The following MECOM variants were observed in gnomAD, a reference collection of about 807,000 sequenced individuals.
The protein encoded by MECOM is MDS1 and EVI1 complex locus.
A neutral mutation model predicts 116.3 loss-of-function variants in MECOM; 13 were observed. The observed-to-expected ratio is 0.11, with a 90% CI of 0.07 to 0.18. The LOEUF is 0.18. MECOM is among the 10% of genes least tolerant of loss of function. The pLI is 1.00. For missense variants in MECOM, 1,299 were observed against 1,509.0 expected (o/e 0.86, Z 2.31); for synonymous variants, 528 against 535.2 (o/e 0.99, Z 0.19).
chr3:169,588,896 A>C (rs1195873151), intron 1 of MECOM, among the ~76,000 whole-genome samples: 1 of 152,184 alleles, frequency 6.6e-6, no homozygotes, highest in Non-Finnish European at 1.5e-5. Context: ...CAGAATATGA[A>C]AATGTACTAC....
chr3:169,235,504 ATATGAAAACGTGTTTAC>A (rs1753924751), intron 2 of MECOM, among the ~76,000 whole-genome samples: 2 of 152,144 alleles, frequency 1.3e-5, no homozygotes, highest in South Asian at 4.1e-4. Context: ...CACCTCTCAC[ATATGAAAACGTGTTTAC>A]TATTCCTGAA....
chr3:169,370,861 G>T (rs1339622865), intron 2 of MECOM, among the ~76,000 whole-genome samples: 1 of 151,878 alleles, frequency 6.6e-6, no homozygotes. Flanking sequence ...CTGTTAGAAT[G>T]ACTGTTATTG....
intron 3 of MECOM, among the ~76,000 whole-genome samples, chr3:169,132,405 TTTTTTGG>T (rs1338071609): frequency 6.6e-6 from 1 of 152,080 alleles, no homozygotes; most frequent in African/African-American, 2.4e-5. Flanking sequence ...AGGTTTTTTG[TTTTTTGG>T]TTTTTGTTCA....
At chr3:169,288,194 G>C (rs1223021034) in intron 2 of MECOM, among the ~76,000 whole-genome samples, 1 of 151,434 alleles carries the variant, frequency 6.6e-6, no homozygotes, top group East Asian at 1.9e-4. Context: ...CACTTGGGGG[G>C]TAGGGGGAGA....
chr3:169,441,744 T>TA (rs932479349), intron 1 of MECOM, among the ~76,000 whole-genome samples: 1 of 142,020 alleles, frequency 7.0e-6, no homozygotes, highest in Non-Finnish European at 1.6e-5. Context: ...TTTTTTTTTT[T>TA]AAAAAAGGGG....
chr3:169,112,976 GT>G (rs1727922391), intron 8 of MECOM, 102 bp from the exon 9 acceptor site: 1 of 841,974 alleles, frequency 1.2e-6, no homozygotes, highest in Admixed American at 2.3e-5. Context: ...TCAATGGTAG[GT>G]TTCTGGGAAG....
chr3:169,107,388 T>C (rs1202411055), intron 10 of MECOM, among the ~76,000 whole-genome samples: 1 of 152,156 alleles, frequency 6.6e-6, no homozygotes, highest in Non-Finnish European at 1.5e-5. Context: ...GAAGTGAAAC[T>C]AGATGCTAAA....
intron 1 of MECOM, among the ~76,000 whole-genome samples, chr3:169,497,953 C>T (rs1440133696): frequency 6.6e-6 from 1 of 152,146 alleles, no homozygotes; most frequent in Non-Finnish European, 1.5e-5. Context: ...GTGTGAATCA[C>T]ATTGATAAAT....
At chr3:169,446,667 C>T (rs1378688607) in intron 1 of MECOM, among the ~76,000 whole-genome samples, 1 of 152,146 alleles carries the variant, frequency 6.6e-6, no homozygotes, top group Non-Finnish European at 1.5e-5. Context: ...TCTTTATCTA[C>T]CTTTATTATC....
At chr3:169,488,669 C>T (rs572368833) in intron 1 of MECOM, among the ~76,000 whole-genome samples, 83 of 151,912 alleles carry the variant, frequency 5.5e-4, no homozygotes, top group Admixed American at 1.9e-3. Context: ...AATAACAAAA[C>T]TATAACACAA....
intron 2 of MECOM, among the ~76,000 whole-genome samples, chr3:169,361,100 A>T (rs578240555): frequency 6.6e-6 from 1 of 151,946 alleles, no homozygotes; most frequent in East Asian, 2.0e-4. Context: ...GTTTTCTTTC[A>T]TGGAGTTAGG....
intron 2 of MECOM, among the ~76,000 whole-genome samples, chr3:169,293,329 C>G (rs1428921572): frequency 6.6e-6 from 1 of 152,220 alleles, no homozygotes; most frequent in African/African-American, 2.4e-5. Context: ...GTCCAAACTC[C>G]TCACCATGGC....
chr3:169,444,785 G>T lies in MECOM; in HGVS notation c.38-63261C>A, dbSNP rs1744326861. On this transcript the variant is annotated intron_variant, in intron 1 of 16. Transcript: ENST00000651503. The stretch of plus-strand genomic sequence containing the variant: ...GTGGGAAAGCTTGGAACCTCTTAGA[G>T]ACTTGTTGAATGGCTTTGATAAAAA... 2.0e-5 allele frequency among the ~76,000 whole-genome samples: 3 copies of T among 152,200 alleles called. No homozygotes were observed. In the South Asian group the frequency reaches 6.2e-4, roughly 32 times the overall value.
intron 1 of MECOM, among the ~76,000 whole-genome samples, chr3:169,547,428 C>T (rs182133064): frequency 2.0e-5 from 3 of 152,294 alleles, no homozygotes; most frequent in East Asian, 3.9e-4. Flanking sequence ...TGGTCTAATA[C>T]ATTACCCATA....
intron 1 of MECOM, among the ~76,000 whole-genome samples, chr3:169,635,706 T>G (rs781265678): frequency 2.6e-5 from 4 of 152,228 alleles, no homozygotes; most frequent in Non-Finnish European, 5.9e-5. Context: ...GTCAGTGTGC[T>G]TCTTCAAAGG....
At chr3:169,465,173 C>G (rs62294349) in intron 1 of MECOM, among the ~76,000 whole-genome samples, 1,899 of 152,276 alleles carry the variant, frequency 0.012, 14 homozygotes, top group Non-Finnish European at 0.02. Flanking sequence ...ATTCTTAAGA[C>G]AGCCTTGTTT....
chr3:169,625,718 G>A (rs1164042559), intron 1 of MECOM, among the ~76,000 whole-genome samples: 1 of 152,214 alleles, frequency 6.6e-6, no homozygotes, highest in Non-Finnish European at 1.5e-5. Flanking sequence ...CTAAATTGAA[G>A]TTAATTGTTA....
At chr3:169,399,253 T>G (rs990899015) in intron 1 of MECOM, among the ~76,000 whole-genome samples, 4 of 152,146 alleles carry the variant, frequency 2.6e-5, no homozygotes, top group African/African-American at 9.7e-5. Flanking sequence ...GAACTGAAAG[T>G]GTAATACAAA....
At chr3:169,184,526 T>C (rs1013291366) in intron 2 of MECOM, among the ~76,000 whole-genome samples, 3 of 152,034 alleles carry the variant, frequency 2.0e-5, no homozygotes, top group East Asian at 1.9e-4. Flanking sequence ...ACATTTTTTT[T>C]CCTCAAGCAA....
Sources: gnomAD v4.1 joint callset for allele counts (sites outside exome capture counted in the v4.1 genomes callset) on GRCh38, gnomAD v4.1.1 for gene constraint, MANE v1.5 for transcripts, NCBI Gene and HGNC (gene_info 2026-07-23, HGNC 2026-07-21) for gene names.